P4HA3: variants seen among roughly 807,000 people sequenced by gnomAD.
The protein encoded by P4HA3 is prolyl 4-hydroxylase subunit alpha-3.
In P4HA3, 60 loss-of-function variants were observed where a neutral mutation model predicts 66.7. That is an observed-to-expected ratio of 0.90 (90% CI 0.73 to 1.12). P4HA3 has a LOEUF of 1.12. P4HA3 is among the 50% of genes most tolerant of loss of function. The pLI is 0.00. For synonymous variants in P4HA3, 263 were observed against 274.6 expected (o/e 0.96, Z 0.42); for missense variants, 683 against 685.8 (o/e 1.00, Z 0.05).
intron 3 of P4HA3, among the ~76,000 whole-genome samples, chr11:74,300,964 A>G (rs2134815302): frequency 6.6e-6 from 1 of 152,332 alleles, no homozygotes; most frequent in East Asian, 1.9e-4. Context: ...CTAACAAATG[A>G]TACAATATGG....
At position 74,309,491 on chromosome 11, in the gene P4HA3, G is replaced by A. The variant is rs77313929; in HGVS notation, c.200+1921C>T. ...AGGGGGATTTTGACCCCCCACTCCC[G>A]TCTCCATCTGAGCTACCCAAAGAGA... On this transcript the variant is annotated intron_variant, in intron 1 of 12. Transcript: ENST00000331597. 7.2e-3 allele frequency among the ~76,000 whole-genome samples: 1,091 copies of A among 152,216 alleles called. 12 individuals are homozygous for A. The highest frequency in any genetic ancestry group is 0.025 in the African/African-American group (1,035 of 41,532).
rs139344912 is a variant in P4HA3 at position 74,252,063 on chromosome 11, C to T, written c.*1319-4062G>A. ...GAGAAGTTTTCTTTGGCTTCTCCTG[C>T]CCTGCTGCCAAGGAAAGCTGGGCAG... On this transcript the variant is annotated intron_variant and NMD_transcript_variant, in intron 15 of 15. Coordinates refer to the P4HA3 transcript ENST00000524388. 8.3e-4 allele frequency among the ~76,000 whole-genome samples: 125 copies of T among 151,388 alleles called. 1 individual carries two copies. In the East Asian group the frequency reaches 0.02, roughly 24 times the overall value.
Position 74,267,149 on chromosome 11 carries a change from C to G in P4HA3, c.*99G>C. ...CAGACAAAGCTGACAAGGCCTTCTT[C>G]CAGGAGGCTGCTCTGCTTTCTCCTC... On this transcript the variant is annotated 3_prime_UTR_variant, in exon 13 of 13. Transcript: ENST00000331597. 1 of 1,581,776 alleles carries G rather than the reference C, an allele frequency of 6.3e-7. No individual in the cohort carries two copies. The highest frequency in any genetic ancestry group is 8.6e-7 in the Non-Finnish European group (1 of 1,166,094).
In P4HA3 at chr11:74,276,981, T is replaced by C. The variant is rs1006912479; in HGVS notation, c.1335+4A>G. On this transcript the variant is annotated splice_donor_region_variant and intron_variant, in intron 9 of 12. Transcript: ENST00000331597. ...AGGGGATTGGTCATTGACTCCACCA[T>C]TACCGTAGCATGGTCAAAGTGAGGC... 8 of 1,611,084 alleles carry C rather than the reference T, an allele frequency of 5.0e-6. No individual in the cohort carries two copies. Among genetic ancestry groups the C allele is most frequent in the African/African-American group, 2.7e-5 (2 of 74,844 alleles).
chr11:74,260,479 G>A (rs1007188195), intron 14 of P4HA3, among the ~76,000 whole-genome samples: 2 of 152,130 alleles, frequency 1.3e-5, no homozygotes, highest in African/African-American at 4.8e-5. Flanking sequence ...TTGGGAGGGG[G>A]GCCCCTTAGG....
At chr11:74,293,552 T>A (rs141509490) in intron 4 of P4HA3, among the ~76,000 whole-genome samples, 1 of 152,228 alleles carries the variant, frequency 6.6e-6, no homozygotes, top group African/African-American at 2.4e-5. Flanking sequence ...CGATGGTCTT[T>A]ACAATTTGAC....
intron 5 of P4HA3, among the ~76,000 whole-genome samples, chr11:74,288,017 A>T (rs184168959): frequency 1.3e-5 from 2 of 152,294 alleles, no homozygotes; most frequent in African/African-American, 2.4e-5. Context: ...CTCTGTCTCA[A>T]AAAACAAAAC....
In P4HA3 at chr11:74,311,582, C is replaced by A; in HGVS notation, c.30G>T (p.Leu10=). MGPGARLAA[L]LAVLALGTGD... ...CTGTCCCGAGCGCCAGCACCGCCAG[C>A]AGCGCCGCCAGCCGCGCCCCAGGAC... The change falls in exon 1 of 13, where the codon CTG becomes CTT. Residue 10 remains leucine (L), a synonymous_variant. Transcript: ENST00000331597. The A allele has an allele frequency of 6.5e-7, 1 of 1,534,326 alleles. No individual in the cohort carries two copies. Among genetic ancestry groups the A allele is most frequent in the Non-Finnish European group, 8.7e-7 (1 of 1,152,110 alleles).
chr11:74,273,514 C>T (rs2134732337), intron 10 of P4HA3, 31 bp downstream of exon 10: 2 of 1,456,280 alleles, frequency 1.4e-6, no homozygotes, highest in Non-Finnish European at 1.8e-6. Flanking sequence ...TATAGTCAGT[C>T]ATGAAGTAAG....
Position 74,302,446 on chromosome 11 carries a change from C to T in P4HA3, c.490G>A (p.Gly164Ser). The T allele has an allele frequency of 1.2e-6, 2 of 1,614,138 alleles. No homozygotes were observed. Among genetic ancestry groups the T allele is most frequent in the Non-Finnish European group, 8.5e-7 (1 of 1,180,018 alleles). Residue 164 changes from glycine (G) to serine (S), a missense_variant, in exon 3 of 13, where the codon GGC (glycine) becomes AGC (serine). Gly to Ser is a moderately conservative substitution (Grantham distance 56). Coordinates refer to ENST00000331597, the MANE Select transcript of P4HA3 (RefSeq NM_182904.5). ...CTGTACAGGTCAGTGATGGCAGAGC[C>T]AGTGACTCTCTGAAAGACACCTCGG... ...LARGVFQRVTGSAITDLYSPK... is the reference protein window; with the variant it reads ...LARGVFQRVTSSAITDLYSPK...
chr11:74,306,484 A>G (rs748812544), intron 1 of P4HA3, among the ~76,000 whole-genome samples: 3 of 152,198 alleles, frequency 2.0e-5, no homozygotes, highest in Admixed American at 1.3e-4. Flanking sequence ...AAAATTATCA[A>G]CTTCAAAAAT....
rs577917944 is a variant in P4HA3, at chr11:74,304,372, T to C, written c.241A>G (p.Thr81Ala). 2.2e-5 allele frequency: 35 copies of C among 1,613,956 alleles called. No individual in the cohort carries two copies. In the East Asian group the frequency reaches 6.9e-4, roughly 32 times the overall value. Residue 81 changes from threonine (T) to alanine (A), a missense_variant, in exon 2 of 13, where the codon ACC becomes GCC. Physicochemically the swap from Thr to Ala is moderately conservative, Grantham distance 58 (BLOSUM62 0). Coordinates refer to ENST00000331597, the MANE Select transcript of P4HA3 (RefSeq NM_182904.5). The part of the protein sequence containing the change: ...KVLSLHEDST[T>A]PVANPLLAFT... ...GCAAGCAGAGGGTTAGCCACAGGGG[T>C]TGTTGAATCCTCATGCAAAGAAAGT...
intron 4 of P4HA3, among the ~76,000 whole-genome samples, chr11:74,291,488 T>C (rs1239138658): frequency 6.6e-6 from 1 of 152,200 alleles, no homozygotes; most frequent in Non-Finnish European, 1.5e-5. Flanking sequence ...CTATGTTGAA[T>C]AGGAGTAGTG....
intron 8 of P4HA3, among the ~76,000 whole-genome samples, chr11:74,277,956 C>T (rs1459758620): frequency 2.6e-5 from 4 of 152,206 alleles, no homozygotes; most frequent in African/African-American, 9.7e-5. Flanking sequence ...AAATAGAGTG[C>T]AAGCAGAGTG....
chr11:74,269,503 A>G, intron 11 of P4HA3, 149 bp downstream of exon 11: 1 of 729,062 alleles, frequency 1.4e-6, no homozygotes. Flanking sequence ...AAAGAAGACT[A>G]TGGGATGATC....
chr11:74,255,922 C>G (rs1390983571), intron 15 of P4HA3: 1 of 516,578 alleles, frequency 1.9e-6, no homozygotes, highest in African/African-American at 1.9e-5. Context: ...CTCACCGGAA[C>G]ACTTTGCGGG....
In P4HA3 at chr11:74,281,619, C is replaced by G. The variant is rs1591105216; in HGVS notation, c.1111-2167G>C. ...AATCATCATTCTCAGTAAGCTATCA[C>G]AAGAACAAAAAACCAAACACCACAT... On this transcript the variant is annotated intron_variant, in intron 7 of 12. Transcript: ENST00000331597. Among the ~76,000 whole-genome samples the G allele has an allele frequency of 2.6e-5, 4 of 152,098 alleles. No individual in the cohort carries two copies. In the South Asian group the frequency reaches 6.2e-4, roughly 24 times the overall value.
At chr11:74,308,020 A>G (rs948050555) in intron 1 of P4HA3, among the ~76,000 whole-genome samples, 2 of 152,136 alleles carry the variant, frequency 1.3e-5, no homozygotes, top group Non-Finnish European at 2.9e-5. Context: ...TATGTACCAT[A>G]CTGGCATATA....
chr11:74,303,080 T>A (rs558046158), intron 2 of P4HA3, among the ~76,000 whole-genome samples: 2 of 152,144 alleles, frequency 1.3e-5, no homozygotes, highest in East Asian at 3.9e-4. Flanking sequence ...GCCTTCTGAG[T>A]AGGCAGGACT....
Sources: gnomAD v4.1 joint callset for allele counts (sites outside exome capture counted in the v4.1 genomes callset) on GRCh38, gnomAD v4.1.1 for gene constraint, MANE v1.5 for transcripts, NCBI Gene and HGNC (gene_info 2026-07-23, HGNC 2026-07-21) for gene names.